SEZ6L: variants seen among roughly 807,000 people sequenced by gnomAD.
SEZ6L encodes the protein seizure related 6 homolog like.
Under a neutral mutation model 106.2 loss-of-function variants are expected in SEZ6L, and 37 were observed. The observed-to-expected ratio is 0.35, with a 90% confidence interval of 0.27 to 0.46. The LOEUF is 0.46. SEZ6L is among the 20% of genes least tolerant of loss of function. SEZ6L has a pLI of 1.00. For missense variants in SEZ6L, 1,172 were observed against 1,332.8 expected, an observed-to-expected ratio of 0.88 and a Z score of 1.88; for synonymous variants, 541 against 570.4, an observed-to-expected ratio of 0.95 and a Z score of 0.73.
At chr22:26,186,965 G>T (rs1939823795) in intron 1 of SEZ6L, among the ~76,000 whole-genome samples, 1 of 152,120 alleles carries the variant, frequency 6.6e-6, no homozygotes, top group African/African-American at 2.4e-5. Flanking sequence ...TCATTTAGGA[G>T]GTCCTCACAG....
intron 1 of SEZ6L, among the ~76,000 whole-genome samples, chr22:26,179,999 G>A (rs1234318466): frequency 1.3e-5 from 2 of 152,200 alleles, no homozygotes; most frequent in African/African-American, 4.8e-5. Context: ...CAGTAGCTAT[G>A]TGTGGCTCAT....
intron 1 of SEZ6L, among the ~76,000 whole-genome samples, chr22:26,179,695 C>A (rs966792290): frequency 6.6e-6 from 1 of 152,154 alleles, no homozygotes; most frequent in Non-Finnish European, 1.5e-5. Flanking sequence ...AATATTGAGC[C>A]AAGAACATTC....
At chr22:26,266,397 A>G (rs1198861938) in intron 1 of SEZ6L, among the ~76,000 whole-genome samples, 1 of 110,750 alleles carries the variant, frequency 9.0e-6, no homozygotes, top group South Asian at 2.5e-4. Context: ...CGTCTCTACT[A>G]AAAAAAAAAA....
chr22:26,333,316 C>A (rs939893612), intron 9 of SEZ6L, among the ~76,000 whole-genome samples: 1 of 152,142 alleles, frequency 6.6e-6, no homozygotes, highest in South Asian at 2.1e-4. Flanking sequence ...ACTCTAGTGA[C>A]CTACATATCC....
intron 1 of SEZ6L, among the ~76,000 whole-genome samples, chr22:26,240,847 T>C (rs1248901684): frequency 6.6e-6 from 1 of 152,038 alleles, no homozygotes; most frequent in African/African-American, 2.4e-5. Context: ...TCAGGTGCTA[T>C]GGGAGAAACG....
intron 1 of SEZ6L, among the ~76,000 whole-genome samples, chr22:26,216,453 C>T (rs1166311643): frequency 2.6e-5 from 4 of 152,052 alleles, no homozygotes; most frequent in African/African-American, 4.8e-5. Flanking sequence ...ATCAGGAGTT[C>T]GAGACCAGCC....
chr22:26,381,784 G>A lies in SEZ6L; in HGVS notation c.*1489G>A, dbSNP rs115727743. On this transcript the variant is annotated 3_prime_UTR_variant, in exon 17 of 17. Transcript: ENST00000248933. ...GAAGCAGATTCACCTTCCTGGGACC[G>A]GTGACATGGTGGTGACAGTCAATGG... 228 of 290,146 alleles carry A rather than the reference G, an allele frequency of 7.9e-4. No individual in the cohort carries two copies. Among genetic ancestry groups the A allele is most frequent in the African/African-American group, 4.8e-3 (218 of 45,522 alleles). The allele number at this position is 290,146 out of a possible 1,614,324, so 18.0% of individuals were successfully genotyped here. A position where few individuals can be genotyped will look rare whatever the true frequency, so the allele number is the denominator to read the frequency against.
intron 1 of SEZ6L, among the ~76,000 whole-genome samples, chr22:26,238,973 A>G (rs574110319): frequency 1.3e-5 from 2 of 152,322 alleles, no homozygotes; most frequent in South Asian, 2.1e-4. Flanking sequence ...CTGTAATCTC[A>G]ACACTTTGGG....
intron 13 of SEZ6L, among the ~76,000 whole-genome samples, chr22:26,370,313 A>C (rs968839921): frequency 6.6e-6 from 1 of 152,050 alleles, no homozygotes; most frequent in African/African-American, 2.4e-5. Context: ...TGAACGTGGG[A>C]GGCGGAGCTT....
intron 1 of SEZ6L, among the ~76,000 whole-genome samples, chr22:26,284,231 A>G (rs1389336508): frequency 2.6e-5 from 4 of 152,330 alleles, no homozygotes; most frequent in South Asian, 2.1e-4. Flanking sequence ...CTGACTCCCA[A>G]TCTCACACTC....
At chr22:26,268,415 C>G (rs2080257054) in intron 1 of SEZ6L, among the ~76,000 whole-genome samples, 1 of 152,202 alleles carries the variant, frequency 6.6e-6, no homozygotes, top group African/African-American at 2.4e-5. Context: ...GGCAACATGA[C>G]CAAGGTCACA....
intron 1 of SEZ6L, among the ~76,000 whole-genome samples, chr22:26,174,230 C>T (rs977860392): frequency 6.6e-6 from 1 of 152,050 alleles, no homozygotes; most frequent in African/African-American, 2.4e-5. Flanking sequence ...TCCTGGAGCA[C>T]GTAGCATTTG....
chr22:26,256,890 G>A (rs953101922), intron 1 of SEZ6L, among the ~76,000 whole-genome samples: 3 of 152,166 alleles, frequency 2.0e-5, no homozygotes, highest in Non-Finnish European at 4.4e-5. Context: ...CCTTCAAGAG[G>A]AAACATGCTC....
At chr22:26,202,349 C>T (rs552986931) in intron 1 of SEZ6L, among the ~76,000 whole-genome samples, 2 of 152,346 alleles carry the variant, frequency 1.3e-5, no homozygotes, top group East Asian at 3.9e-4. Flanking sequence ...GAAAAGGTCA[C>T]TTCCCCATCC....
At chr22:26,310,121 T>C (rs1429136022) in intron 6 of SEZ6L, among the ~76,000 whole-genome samples, 2 of 152,254 alleles carry the variant, frequency 1.3e-5, no homozygotes, top group African/African-American at 4.8e-5. Flanking sequence ...TATTACATCA[T>C]ATACATTACT....
intron 1 of SEZ6L, among the ~76,000 whole-genome samples, chr22:26,197,223 G>A (rs116446149): frequency 2.2e-3 from 333 of 151,696 alleles, no homozygotes; most frequent in African/African-American, 7.8e-3. Flanking sequence ...CCATGATTGT[G>A]AGGCACTTAC....
intron 1 of SEZ6L, among the ~76,000 whole-genome samples, chr22:26,282,443 G>T (rs572617688): frequency 7.2e-5 from 11 of 152,176 alleles, no homozygotes; most frequent in Admixed American, 7.2e-4. Flanking sequence ...AGCCTCTTTT[G>T]TTCTCAGGCC....
chr22:26,281,108 G>A (rs1437182102), intron 1 of SEZ6L, among the ~76,000 whole-genome samples: 1 of 152,166 alleles, frequency 6.6e-6, no homozygotes, highest in East Asian at 1.9e-4. Context: ...AAGGCTGTTG[G>A]ATAAGGAGGG....
chr22:26,185,199 A>C (rs1423415046), intron 1 of SEZ6L, among the ~76,000 whole-genome samples: 3 of 152,222 alleles, frequency 2.0e-5, no homozygotes, highest in Admixed American at 2.0e-4. Flanking sequence ...GAGCTGGGGG[A>C]TTCTGAGAGC....
Sources: allele counts gnomAD v4.1 joint callset (sites outside exome capture counted in the v4.1 genomes callset), GRCh38; gene constraint gnomAD v4.1.1; transcripts MANE v1.5; gene names NCBI Gene and HGNC (gene_info 2026-07-23, HGNC 2026-07-21).